FRMD4A: variants seen among roughly 807,000 people sequenced by gnomAD.
FRMD4A encodes FERM domain containing 4A, also known as FERM domain-containing protein 4A.
FRMD4A carries 29 observed loss-of-function variants against 129.1 expected under a neutral mutation model. That is an observed-to-expected ratio of 0.22 (90% CI 0.17 to 0.31). FRMD4A has a LOEUF of 0.31. Ranked by LOEUF, FRMD4A falls within the 10% of genes least tolerant of loss-of-function variation. The probability of loss-of-function intolerance (pLI) is 1.00; values close to 1 mark genes in which losing one functional copy is unlikely to be tolerated. For missense variants in FRMD4A, 1,272 were observed against 1,375.8 expected (o/e 0.92, Z 1.19); for synonymous variants, 634 against 571.6 (o/e 1.11, Z -1.56).
intron 2 of FRMD4A, among the ~76,000 whole-genome samples, chr10:13,914,014 C>T (rs1270554198): frequency 2.6e-5 from 4 of 152,130 alleles, no homozygotes; most frequent in Non-Finnish European, 5.9e-5. Context: ...TGCCTGTGGA[C>T]CAACACCCCT....
At chr10:13,950,099 C>T (rs1163243908) in intron 2 of FRMD4A, among the ~76,000 whole-genome samples, 1 of 152,210 alleles carries the variant, frequency 6.6e-6, no homozygotes, top group Non-Finnish European at 1.5e-5. Context: ...TGACCTTAGC[C>T]CATGTTAGGA....
rs1377744867 is a variant in FRMD4A, at chr10:13,644,121, T to C, written c.*2917A>G. On this transcript the variant is annotated 3_prime_UTR_variant, in exon 25 of 25. Transcript: ENST00000357447. ...TGAAAACAAATTGGAATTTTAACAGTTTCAACACTCACCTGCATATAATAA... is the reference window on the plus strand; with the variant it reads ...TGAAAACAAATTGGAATTTTAACAGCTTCAACACTCACCTGCATATAATAA... 6.6e-6 allele frequency: 1 copy of C among 152,554 alleles called. No individual in the cohort carries two copies. Among genetic ancestry groups the C allele is most frequent in the African/African-American group, 2.4e-5 (1 of 41,438 alleles). The allele number at this position is 152,554 out of a possible 1,614,324, so 9.5% of individuals were successfully genotyped here. A position where few individuals can be genotyped will look rare whatever the true frequency, so the allele number is the denominator to read the frequency against.
At chr10:13,755,649 G>A (rs1389686981) in intron 8 of FRMD4A, among the ~76,000 whole-genome samples, 2 of 152,162 alleles carry the variant, frequency 1.3e-5, no homozygotes, top group African/African-American at 4.8e-5. Context: ...CATTGATTGG[G>A]TGATGCATTG....
chr10:13,860,193 G>C (rs1243341997), intron 2 of FRMD4A, among the ~76,000 whole-genome samples: 1 of 152,164 alleles, frequency 6.6e-6, no homozygotes, highest in Admixed American at 6.5e-5. Flanking sequence ...TCAAGCCACT[G>C]TCATGACAAC....
intron 2 of FRMD4A, among the ~76,000 whole-genome samples, chr10:14,240,689 G>A (rs187811850): frequency 9.9e-5 from 15 of 152,114 alleles, no homozygotes; most frequent in East Asian, 1.9e-4. Flanking sequence ...ACTGCCATTC[G>A]GAAGCTATTG....
At chr10:14,054,670 C>T (rs958326125) in intron 2 of FRMD4A, among the ~76,000 whole-genome samples, 23 of 152,094 alleles carry the variant, frequency 1.5e-4, no homozygotes, top group African/African-American at 5.3e-4. Context: ...AAACTGTCCC[C>T]TCCAATGCCA....
chr10:13,972,910 C>G (rs1463878324), intron 2 of FRMD4A, among the ~76,000 whole-genome samples: 2 of 152,198 alleles, frequency 1.3e-5, no homozygotes, highest in Non-Finnish European at 2.9e-5. Flanking sequence ...TCTCCACATT[C>G]CATTTGTTTA....
At chr10:14,004,204 G>C (rs182610869) in intron 2 of FRMD4A, among the ~76,000 whole-genome samples, 105 of 152,348 alleles carry the variant, frequency 6.9e-4, no homozygotes, top group Non-Finnish European at 1.3e-3. Context: ...ATCTCCCCAG[G>C]AGACAGGGAG....
chr10:13,702,317 G>C (rs2086909496), intron 13 of FRMD4A, among the ~76,000 whole-genome samples: 1 of 152,126 alleles, frequency 6.6e-6, no homozygotes, highest in South Asian at 2.1e-4. Flanking sequence ...ACCTGCCTCG[G>C]CCTCCCAAAG....
intron 15 of FRMD4A, among the ~76,000 whole-genome samples, chr10:13,685,845 A>C (rs1272068856): frequency 6.6e-6 from 1 of 152,204 alleles, no homozygotes; most frequent in Non-Finnish European, 1.5e-5. Flanking sequence ...TAGGTTATAC[A>C]TTGTCATTTG....
At chr10:14,146,017 G>C (rs1332085148) in intron 2 of FRMD4A, among the ~76,000 whole-genome samples, 1 of 152,144 alleles carries the variant, frequency 6.6e-6, no homozygotes. Flanking sequence ...AAGAATCATT[G>C]CAAACGGCTT....
At chr10:14,248,162 T>A (rs1054626246) in intron 2 of FRMD4A, among the ~76,000 whole-genome samples, 1 of 148,266 alleles carries the variant, frequency 6.7e-6, no homozygotes, top group Non-Finnish European at 1.5e-5. Context: ...CTTGTAAACA[T>A]CACATTTTTA....
chr10:13,985,885 T>G (rs1220921971), intron 2 of FRMD4A, among the ~76,000 whole-genome samples: 2 of 152,264 alleles, frequency 1.3e-5, no homozygotes, highest in African/African-American at 4.8e-5. Flanking sequence ...GCTGGCAGCT[T>G]TTCACACCTG....
intron 2 of FRMD4A, among the ~76,000 whole-genome samples, chr10:14,125,713 TCA>T (rs1409202563): frequency 4.6e-5 from 7 of 151,094 alleles, no homozygotes; most frequent in African/African-American, 1.7e-4. Flanking sequence ...TCTCTCTCTC[TCA>T]CACACAGACA....
chr10:14,207,811 C>T (rs932224101), intron 2 of FRMD4A, among the ~76,000 whole-genome samples: 4 of 152,028 alleles, frequency 2.6e-5, no homozygotes, highest in Non-Finnish European at 5.9e-5. Flanking sequence ...TTTTATTTCC[C>T]TCTTTATACT....
chr10:13,657,408 G>A lies in FRMD4A; in HGVS notation c.2181C>T (p.Ser727=). 6.2e-7 allele frequency: 1 copy of A among 1,612,822 alleles called. No homozygotes were observed. Among genetic ancestry groups the A allele is most frequent in the Non-Finnish European group, 8.5e-7 (1 of 1,179,860 alleles). The change falls in exon 22 of 25, where the codon AGC becomes AGT. Residue 727 remains serine (S), a synonymous_variant. Transcript: ENST00000357447. ...GAGTCCGCGGGGTGTAGAAGTCGGG[G>A]CTCCCGGTGTCGTTTTCCGAGCCCA... The part of the protein sequence containing the change: ...KLLGSENDTG[S]PDFYTPRTRS...
chr10:13,901,494 C>A (rs911563240), intron 2 of FRMD4A, among the ~76,000 whole-genome samples: 1 of 151,822 alleles, frequency 6.6e-6, no homozygotes, highest in Non-Finnish European at 1.5e-5. Context: ...CCTATAATCC[C>A]AGCTACTCAG....
intron 2 of FRMD4A, among the ~76,000 whole-genome samples, chr10:14,047,291 G>A (rs573845927): frequency 8.5e-5 from 13 of 152,258 alleles, no homozygotes; most frequent in East Asian, 7.7e-4. Context: ...TATTGCCCAC[G>A]GTACCTGATG....
chr10:14,026,184 A>C (rs920168505), intron 2 of FRMD4A, among the ~76,000 whole-genome samples: 4 of 152,212 alleles, frequency 2.6e-5, no homozygotes, highest in South Asian at 2.1e-4. Flanking sequence ...TTTCTGCTTT[A>C]CAGTAAAACT....
Sources: gnomAD v4.1 joint callset for allele counts (sites outside exome capture counted in the v4.1 genomes callset) on GRCh38, gnomAD v4.1.1 for gene constraint, MANE v1.5 for transcripts, NCBI Gene and HGNC (gene_info 2026-07-23, HGNC 2026-07-21) for gene names.